The following LYAR variants were observed in gnomAD, a reference collection of about 807,000 sequenced individuals.
LYAR encodes cell growth-regulating nucleolar protein.
A neutral mutation model predicts 45.2 loss-of-function variants in LYAR; 37 were observed. The ratio of observed to expected loss-of-function variants is 0.82; its 90% CI spans 0.63 to 1.08. The LOEUF (loss-of-function observed/expected upper bound fraction) is 1.08, where lower values mean the gene tolerates loss of function less well. Among genes scored for constraint, LYAR ranks in the 50% least tolerant of loss-of-function variants. LYAR has a pLI of 0.00. For missense variants in LYAR, 493 were observed against 451.0 expected (o/e 1.09, Z -0.84); for synonymous variants, 176 against 155.1 (o/e 1.14, Z -1.00).
chr4:4,274,671 G>A lies in LYAR; in HGVS notation c.528C>T (p.Asp176=), dbSNP rs370221733. The change falls in exon 7 of 10, where the codon GAC becomes GAT. Residue 176 remains aspartate, a synonymous_variant. Transcript: ENST00000343470. The stretch of plus-strand genomic sequence containing the variant: ...TCACCTCCCCTTGCTGTTCCACGGC[G>A]TCTTTCACTTTGGAGGCTGGAACCT... ...STKVPASKVK[D]AVEQQGEVKK... is the part of the protein sequence containing the mutation. The A allele has an allele frequency of 1.7e-5, 27 of 1,613,622 alleles. No individual in the cohort carries two copies. The highest frequency in any genetic ancestry group is 8.3e-5 in the Admixed American group (5 of 59,960).
In LYAR at chr4:4,273,587, T is replaced by G; in HGVS notation, c.915A>C (p.Ala305=). 6.2e-7 allele frequency: 1 copy of G among 1,611,956 alleles called. No homozygotes were observed. The highest frequency in any genetic ancestry group is 8.5e-7 in the Non-Finnish European group (1 of 1,178,256). The change falls in exon 8 of 10, where the codon GCA becomes GCC. Residue 305 remains alanine, a synonymous_variant. Transcript: ENST00000343470. ...CAAATGACAGCAGTGATATACCTTT[T>G]GCAGGAGCCTCATCGTCTTCTGGTT... The part of the protein sequence containing the change: ...GGEPEDDEAP[A]KGKFNWKGTI...
chr4:4,274,307 C>T, intron 7 of LYAR, 60 bp downstream of exon 7: 1 of 1,551,292 alleles, frequency 6.4e-7, no homozygotes, highest in Non-Finnish European at 8.7e-7. Flanking sequence ...GCTTAAATAT[C>T]CCAAATTCAC....
At position 4,267,782 on chromosome 4, in the gene LYAR, G is replaced by A. The variant is rs1718772046; in HGVS notation, c.*107C>T. On this transcript the variant is annotated 3_prime_UTR_variant, in exon 10 of 10. Transcript: ENST00000343470. The stretch of plus-strand genomic sequence containing the variant: ...TATATTTTCTTAACTTAAAAATACA[G>A]CTTCAAAAAGCAAAATTTGAGTTGT... 2.5e-6 allele frequency: 2 copies of A among 795,304 alleles called. No homozygotes were observed. The highest frequency in any genetic ancestry group is 1.8e-6 in the Non-Finnish European group (1 of 559,534). 49.3% of individuals were successfully genotyped at this position (795,304 alleles called of 1,614,324 possible).
chr4:4,285,806 G>C lies in LYAR; in HGVS notation c.-54+713C>G, dbSNP rs55924265. 1.2e-3 allele frequency among the ~76,000 whole-genome samples: 190 copies of C among 152,288 alleles called. 1 individual carries two copies. The highest frequency in any genetic ancestry group is 4.4e-3 in the African/African-American group (182 of 41,554). ...TCGACAAGGCTTAAGAGTGAATTGA[G>C]AGATTCCTGTCCCAGCAGGAATTAA... On this transcript the variant is annotated intron_variant, in intron 2 of 9. Transcript: ENST00000343470.
intron 2 of LYAR, among the ~76,000 whole-genome samples, chr4:4,286,013 C>T (rs1719596578): frequency 6.6e-6 from 1 of 152,182 alleles, no homozygotes; most frequent in Non-Finnish European, 1.5e-5. Context: ...GGTTACATGT[C>T]CAGCTAAAAA....
intron 7 of LYAR, 112 bp downstream of exon 7, chr4:4,274,255 A>G: frequency 8.1e-7 from 1 of 1,229,424 alleles, no homozygotes; most frequent in Non-Finnish European, 1.1e-6. Context: ...CAAAAAAAAA[A>G]AAAACCACAC....
chr4:4,267,920 A>G lies in LYAR; in HGVS notation c.1109T>C (p.Leu370Ser). The G allele has an allele frequency of 6.2e-7, 1 of 1,611,848 alleles. No individual in the cohort carries two copies. Among genetic ancestry groups the G allele is most frequent in the Non-Finnish European group, 8.5e-7 (1 of 1,178,922 alleles). ...CACAAGCTTGACTTTGTCCTTTAAT[A>G]ACTTAAAGGTAGGGTTCTTGCTGAT... Reference protein sequence around the residue: ...KKISKNPTFKLLKDKVKLVK With the variant: ...KKISKNPTFKSLKDKVKLVK The change falls in exon 10 of 10, where the codon TTA becomes TCA. Residue 370 changes from leucine to serine, a missense_variant. Leu to Ser is a moderately radical substitution (Grantham distance 145, BLOSUM62 -2). Coordinates refer to ENST00000343470, the MANE Select transcript of LYAR (RefSeq NM_017816.3).
In LYAR at chr4:4,267,870, T is replaced by C; in HGVS notation, c.*19A>G. ...GAAGAAGTCAGCAGAATGGATTCAATTTTTAAATACACAAATGTTCATTTC... is the reference window on the plus strand; with the variant it reads ...GAAGAAGTCAGCAGAATGGATTCAACTTTTAAATACACAAATGTTCATTTC... On this transcript the variant is annotated 3_prime_UTR_variant, in exon 10 of 10. Transcript: ENST00000343470. The C allele has an allele frequency of 6.3e-7, 1 of 1,598,084 alleles. No individual in the cohort carries two copies. Among genetic ancestry groups the C allele is most frequent in the Non-Finnish European group, 8.5e-7 (1 of 1,172,732 alleles).
chr4:4,275,589 C>T (rs963200437), intron 6 of LYAR, among the ~76,000 whole-genome samples: 2 of 151,942 alleles, frequency 1.3e-5, no homozygotes, highest in African/African-American at 4.8e-5. Flanking sequence ...GGACCACAGG[C>T]GCAAGCTATC....
At chr4:4,280,257 G>T (rs1228014190) in intron 4 of LYAR, among the ~76,000 whole-genome samples, 1 of 152,160 alleles carries the variant, frequency 6.6e-6, no homozygotes, top group African/African-American at 2.4e-5. Context: ...ACTGCTGAAA[G>T]AAATTAAAGT....
In LYAR at chr4:4,267,906, C is replaced by T. The variant is rs1003759136; in HGVS notation, c.1123G>A (p.Val375Ile). ...NPTFKLLKDK[V>I]KLVK Reference sequence around the variant, plus strand: ...ACAAATGTTCATTTCACAAGCTTGACTTTGTCCTTTAATAACTTAAAGGTA... The same window carrying T: ...ACAAATGTTCATTTCACAAGCTTGATTTTGTCCTTTAATAACTTAAAGGTA... Residue 375 changes from valine to isoleucine, a missense_variant, in exon 10 of 10, where the codon GTC (valine) becomes ATC (isoleucine). Val to Ile is a conservative substitution (Grantham distance 29). Coordinates refer to ENST00000343470, the MANE Select transcript of LYAR (RefSeq NM_017816.3). The T allele has an allele frequency of 9.3e-6, 15 of 1,611,222 alleles. No individual in the cohort carries two copies. The highest frequency in any genetic ancestry group is 1.7e-4 in the Middle Eastern group (1 of 6,060).
chr4:4,271,979 C>A (rs1409319622), intron 8 of LYAR, among the ~76,000 whole-genome samples: 1 of 151,982 alleles, frequency 6.6e-6, no homozygotes, highest in Admixed American at 6.6e-5. Flanking sequence ...AAGAGTCAGT[C>A]TCAAAAGGTT....
intron 2 of LYAR, 118 bp from the exon 3 acceptor site, chr4:4,283,913 A>T (rs1339538040): frequency 3.7e-6 from 2 of 544,680 alleles, no homozygotes; most frequent in African/African-American, 3.8e-5. Context: ...AAAGTTGATT[A>T]GCAATCTACA....
At position 4,268,578 on chromosome 4, in the gene LYAR, C is replaced by G; in HGVS notation, c.957G>C (p.Leu319=). Residue 319 remains leucine, a synonymous_variant, in exon 9 of 10, where the codon CTG becomes CTC. Coordinates refer to ENST00000343470, the MANE Select transcript of LYAR (RefSeq NM_017816.3). The part of the protein sequence containing the change: ...FNWKGTIKAI[L]KQAPDNEITI... ...TTATTTCATTGTCTGGGGCCTGTTT[C>G]AGAATTGCTTTAATAGTTCCCTTCC... is the stretch of plus-strand genomic sequence containing the variant. 6.2e-7 allele frequency: 1 copy of G among 1,612,202 alleles called. No individual in the cohort carries two copies. The highest frequency in any genetic ancestry group is 8.5e-7 in the Non-Finnish European group (1 of 1,178,802).
At position 4,279,738 on chromosome 4, in the gene LYAR, T is replaced by C. The variant is rs202080197; in HGVS notation, c.249A>G (p.Glu83=). The part of the protein sequence containing the change: ...KQQAWIQKIS[E]LIKRPNVSPK... ...GGCTGACATTGGGTCTCTTTATTAA[T>C]TCACTAATTTTCTACAAAAAGGGAA... The change falls in exon 5 of 10, where the codon GAA becomes GAG. Residue 83 remains glutamate, a synonymous_variant. Coordinates refer to ENST00000343470, the MANE Select transcript of LYAR (RefSeq NM_017816.3). 140 of 1,591,336 alleles carry C rather than the reference T, an allele frequency of 8.8e-5. No individual in the cohort carries two copies. Among genetic ancestry groups the C allele is most frequent in the Non-Finnish European group, 1.1e-4 (130 of 1,165,692 alleles).
At position 4,268,031 on chromosome 4, in the gene LYAR, A is replaced by G; in HGVS notation, c.1006-8T>C. The G allele has an allele frequency of 6.4e-7, 1 of 1,567,688 alleles. No homozygotes were observed. The highest frequency in any genetic ancestry group is 8.6e-7 in the Non-Finnish European group (1 of 1,161,094). Reference sequence around the variant, plus strand: ...GTAGTACTGAGCTAAAACCTTCACAAAGAAAAACATCAAATGAGTGTATTT... The same window carrying G: ...GTAGTACTGAGCTAAAACCTTCACAGAGAAAAACATCAAATGAGTGTATTT... On this transcript the variant is annotated splice_polypyrimidine_tract_variant and splice_region_variant and intron_variant, in intron 9 of 9. Transcript: ENST00000343470.
chr4:4,280,191 T>C (rs12647011), intron 4 of LYAR, among the ~76,000 whole-genome samples: 57,118 of 151,990 alleles, frequency 0.38, 11,364 homozygotes, highest in East Asian at 0.55. Flanking sequence ...AAAAGAATAA[T>C]CAGGAATAAA....
At chr4:4,278,419 T>G (rs752507114) in intron 6 of LYAR, among the ~76,000 whole-genome samples, 7 of 152,216 alleles carry the variant, frequency 4.6e-5, no homozygotes, top group African/African-American at 7.2e-5. Context: ...TTTCTACATA[T>G]ATAGTCCACA....
At position 4,283,779 on chromosome 4, in the gene LYAR, AG is replaced by A; in HGVS notation, c.-38del. 1 of 1,563,418 alleles carries A rather than the reference AG, an allele frequency of 6.4e-7. No homozygotes were observed. The highest frequency in any genetic ancestry group is 8.7e-7 in the Non-Finnish European group (1 of 1,149,544). On this transcript the variant is annotated 5_prime_UTR_variant, in exon 3 of 10. Transcript: ENST00000343470. ...TGGCTAAATATTCTCTATCCAAGACAGGTTTTAAGTCTTGTCCTAAGGAAAA... is the reference window on the plus strand; with the variant it reads ...TGGCTAAATATTCTCTATCCAAGACAGTTTTAAGTCTTGTCCTAAGGAAAA...
Sources: allele counts gnomAD v4.1 joint callset (sites outside exome capture counted in the v4.1 genomes callset), GRCh38; gene constraint gnomAD v4.1.1; transcripts MANE v1.5; gene names NCBI Gene and HGNC (gene_info 2026-07-23, HGNC 2026-07-21).